The following SHROOM3 variants were observed in gnomAD, a reference collection of about 807,000 sequenced individuals.
The protein encoded by SHROOM3 is protein Shroom3.
SHROOM3 carries 47 observed loss-of-function variants against 138.6 expected under a neutral mutation model. The observed-to-expected ratio is 0.34, with a 90% CI of 0.27 to 0.43. The LOEUF is 0.43. SHROOM3 is among the 20% of genes least tolerant of loss of function. The probability of loss-of-function intolerance (pLI) is 1.00; values close to 1 mark genes in which losing one functional copy is unlikely to be tolerated. For synonymous variants in SHROOM3, 1,062 were observed against 1,063.3 expected (o/e 1.00, Z 0.02); for missense variants, 2,491 against 2,596.5 (o/e 0.96, Z 0.88).
intron 4 of SHROOM3, among the ~76,000 whole-genome samples, chr4:76,731,771 A>T (rs111814987): frequency 0.013 from 1,869 of 147,182 alleles, 31 homozygotes; most frequent in African/African-American, 0.045. Flanking sequence ...ACAGAGTAAG[A>T]CTTCATCTCA....
chr4:76,585,510 A>G (rs1734134518), intron 2 of SHROOM3, among the ~76,000 whole-genome samples: 1 of 152,158 alleles, frequency 6.6e-6, no homozygotes, highest in Non-Finnish European at 1.5e-5. Context: ...CTACTTATCC[A>G]TACAGCTGCG....
intron 1 of SHROOM3, among the ~76,000 whole-genome samples, chr4:76,552,042 TAG>T (rs1733371820): frequency 2.0e-5 from 3 of 146,580 alleles, no homozygotes; most frequent in African/African-American, 5.0e-5. Flanking sequence ...TTTGTATCTT[TAG>T]TAGAGACGGG....
chr4:76,672,419 CAAAAA>C (rs35488837), intron 2 of SHROOM3, among the ~76,000 whole-genome samples: 6 of 127,258 alleles, frequency 4.7e-5, no homozygotes, highest in East Asian at 4.4e-4. Context: ...AATTAGGGAC[CAAAAA>C]AAAAAAAAAA....
chr4:76,488,138 A>C lies in SHROOM3; in HGVS notation c.168+51918A>C, dbSNP rs1169683870. On this transcript the variant is annotated intron_variant, in intron 1 of 10. Transcript: ENST00000296043. ...ATTGAGGATGATAAAAAGAGTGTAT[A>C]GTATTGAAGGCAAATTGTTTAAGTG... is the stretch of plus-strand genomic sequence containing the variant. Among the ~76,000 whole-genome samples the C allele has an allele frequency of 4.6e-5, 7 of 152,264 alleles. 1 individual carries two copies. In the East Asian group the frequency reaches 9.6e-4, roughly 21 times the overall value.
chr4:76,565,724 C>T lies in SHROOM3; in HGVS notation c.323+9961C>T, dbSNP rs1278086981. The stretch of plus-strand genomic sequence containing the variant: ...TCAAATGATTCCCACCTTGGACCTC[C>T]CAGAGTATTGGGATTACAGGCGTGA... On this transcript the variant is annotated intron_variant, in intron 2 of 10. Transcript: ENST00000296043. Among the ~76,000 whole-genome samples, 5 of 152,084 alleles carry T rather than the reference C, an allele frequency of 3.3e-5. No individual in the cohort carries two copies. In the East Asian group the frequency reaches 9.6e-4, roughly 29 times the overall value.
At chr4:76,526,989 G>A (rs974754714) in intron 1 of SHROOM3, among the ~76,000 whole-genome samples, 1 of 152,122 alleles carries the variant, frequency 6.6e-6, no homozygotes, top group Non-Finnish European at 1.5e-5. Flanking sequence ...TTATATAAGA[G>A]CTAATAAGGA....
intron 2 of SHROOM3, chr4:76,559,401 G>A (rs1482560541): frequency 6.6e-6 from 1 of 152,124 alleles, no homozygotes; most frequent in East Asian, 1.9e-4. Context: ...TCATCGTCCT[G>A]AGATTCTGTT....
chr4:76,740,904 C>T lies in SHROOM3; in HGVS notation c.2731C>T (p.Pro911Ser). 6.6e-7 allele frequency: 1 copy of T among 1,504,764 alleles called. No individual in the cohort carries two copies. The highest frequency in any genetic ancestry group is 8.8e-7 in the Non-Finnish European group (1 of 1,130,244). 93.2% of individuals were successfully genotyped at this position (1,504,764 alleles called of 1,614,324 possible). ...EPEWRDRPGS[P>S]ESPLLDAPFS... ...CGAGTGGCGGGACAGGCCCGGCTCG[C>T]CCGAATCGCCCCTGCTGGATGCCCC... Residue 911 changes from proline (P) to serine (S), a missense_variant, in exon 5 of 11, where the codon CCC becomes TCC. Transcript: ENST00000296043. The surrounding 1 kb of genome is among the most constrained non-coding windows in gnomAD (Gnocchi z 4.0).
At chr4:76,625,987 A>G (rs1325756685) in intron 2 of SHROOM3, among the ~76,000 whole-genome samples, 1 of 152,228 alleles carries the variant, frequency 6.6e-6, no homozygotes, top group Non-Finnish European at 1.5e-5. Context: ...TGCTTTAAAC[A>G]TAGAGAACTC....
chr4:76,704,849 A>G (rs1720004594), intron 2 of SHROOM3, among the ~76,000 whole-genome samples: 1 of 152,182 alleles, frequency 6.6e-6, no homozygotes, highest in African/African-American at 2.4e-5. Flanking sequence ...AAACATAACA[A>G]AAAAGGAGGA....
intron 9 of SHROOM3, among the ~76,000 whole-genome samples, chr4:76,761,638 G>A (rs1238756927): frequency 6.6e-6 from 1 of 152,194 alleles, no homozygotes; most frequent in African/African-American, 2.4e-5. Context: ...TGGGAACTGA[G>A]CTAAACTGGA....
chr4:76,516,486 G>T (rs1321528538), intron 1 of SHROOM3, among the ~76,000 whole-genome samples: 1 of 151,860 alleles, frequency 6.6e-6, no homozygotes, highest in Non-Finnish European at 1.5e-5. Flanking sequence ...CCCTATCTAA[G>T]CCCCTACTCA....
In SHROOM3 at chr4:76,779,254, C is replaced by T; in HGVS notation, c.*77C>T. 6.6e-7 allele frequency: 1 copy of T among 1,509,132 alleles called. No individual in the cohort carries two copies. The highest frequency in any genetic ancestry group is 8.8e-7 in the Non-Finnish European group (1 of 1,130,170). The allele number at this position is 1,509,132 out of a possible 1,614,324, so 93.5% of individuals were successfully genotyped here. On this transcript the variant is annotated 3_prime_UTR_variant, in exon 11 of 11. Transcript: ENST00000296043. The stretch of plus-strand genomic sequence containing the variant: ...AATCTGAAAAATGTTTCAGTACAAA[C>T]CACTGTTTGAACTATCTGGGTTATT...
At chr4:76,622,978 G>A (rs772743072) in intron 2 of SHROOM3, among the ~76,000 whole-genome samples, 15 of 152,150 alleles carry the variant, frequency 9.9e-5, no homozygotes, top group Admixed American at 6.5e-5. Flanking sequence ...TCTCACTGGT[G>A]TTTGCTCTTA....
At chr4:76,636,467 A>AT (rs1735497217) in intron 2 of SHROOM3, among the ~76,000 whole-genome samples, 1 of 152,236 alleles carries the variant, frequency 6.6e-6, no homozygotes. Context: ...TACTATTAGT[A>AT]ATTTAAAATC....
intron 1 of SHROOM3, among the ~76,000 whole-genome samples, chr4:76,463,380 T>G (rs899842106): frequency 6.6e-6 from 1 of 152,200 alleles, no homozygotes; most frequent in African/African-American, 2.4e-5. Context: ...TTCTAACAGC[T>G]TAGGCTCATA....
At chr4:76,690,470 C>T (rs1719494753) in intron 2 of SHROOM3, among the ~76,000 whole-genome samples, 1 of 152,210 alleles carries the variant, frequency 6.6e-6, no homozygotes, top group African/African-American at 2.4e-5. Flanking sequence ...GGGTCATCTC[C>T]ATGGAGAGAT....
At chr4:76,752,668 A>G (rs1407260765) in intron 6 of SHROOM3, among the ~76,000 whole-genome samples, 8 of 152,156 alleles carry the variant, frequency 5.3e-5, no homozygotes, top group Non-Finnish European at 8.8e-5. Flanking sequence ...ATCACCACGG[A>G]GAAGCATTCT....
chr4:76,632,168 T>C (rs930168065), intron 2 of SHROOM3, among the ~76,000 whole-genome samples: 3 of 152,080 alleles, frequency 2.0e-5, no homozygotes, highest in African/African-American at 7.2e-5. Flanking sequence ...CAATCTGACA[T>C]CCGGGCAGGT....
Sources: gnomAD v4.1 joint callset for allele counts (sites outside exome capture counted in the v4.1 genomes callset) on GRCh38, gnomAD v4.1.1 for gene constraint, Gnocchi (gnomAD v3.1) non-coding constraint, MANE v1.5 for transcripts, NCBI Gene and HGNC (gene_info 2026-07-23, HGNC 2026-07-21) for gene names.